Variants in NAALADL2 observed in about 807,000 individuals in gnomAD.
NAALADL2 encodes the protein N-acetylated alpha-linked acidic dipeptidase like 2.
NAALADL2 carries 76 observed loss-of-function variants against 87.2 expected under a neutral mutation model. The observed-to-expected ratio is 0.87, with a 90% CI of 0.72 to 1.05. NAALADL2 has a LOEUF of 1.05. Ranked by LOEUF, NAALADL2 falls within the 50% of genes least tolerant of loss-of-function variation. NAALADL2 has a pLI of 0.00. For missense variants in NAALADL2, 1,089 were observed against 945.8 expected (o/e 1.15, Z -1.99); for synonymous variants, 354 against 331.0 (o/e 1.07, Z -0.75).
rs1213930834 is a variant in NAALADL2 at position 175,667,225 on chromosome 3, AAGAAAGAAAGAAAGAAAAAG to A, written c.1896+39841_1896+39860del. On this transcript the variant is annotated intron_variant, in intron 11 of 13. Transcript: ENST00000454872. ...AAAGAAAGAAAGAAAGAAAGAAAGA[AAGAAAGAAAGAAAGAAAAAG>A]AAAGAAAGAAAGAAAGAAAGGAAGG... Among the ~76,000 whole-genome samples the A allele has an allele frequency of 5.6e-5, 7 of 124,598 alleles. No homozygotes were observed. In the South Asian group the frequency reaches 1.2e-3, roughly 21 times the overall value. 81.7% of individuals were successfully genotyped at this position (124,598 alleles called of 152,430 possible).
intron 9 of NAALADL2, among the ~76,000 whole-genome samples, chr3:175,496,685 G>C (rs116688768): frequency 0.032 from 4,829 of 151,980 alleles, 269 homozygotes; most frequent in African/African-American, 0.11. Flanking sequence ...CTTCGAGTAG[G>C]TGGGACCACA....
At chr3:175,011,067 T>C (rs1749716379) in intron 1 of NAALADL2, among the ~76,000 whole-genome samples, 1 of 152,152 alleles carries the variant, frequency 6.6e-6, no homozygotes, top group Non-Finnish European at 1.5e-5. Flanking sequence ...GGATTTGCAC[T>C]GTTTTATAAT....
intron 10 of NAALADL2, among the ~76,000 whole-genome samples, chr3:175,585,569 G>A (rs1249832422): frequency 1.3e-5 from 2 of 151,970 alleles, no homozygotes; most frequent in East Asian, 3.9e-4. Flanking sequence ...ATGTTTCCTT[G>A]TAGTAGTTTG....
chr3:175,665,885 C>T lies in NAALADL2; in HGVS notation c.1896+38499C>T, dbSNP rs370680109. Reference sequence around the variant, plus strand: ...GGCGGACGTTGCAGTGAGCCAAGATCGCGCCACTGCACTCCAGCCTGGCAA... The same window carrying T: ...GGCGGACGTTGCAGTGAGCCAAGATTGCGCCACTGCACTCCAGCCTGGCAA... On this transcript the variant is annotated intron_variant, in intron 11 of 13. Coordinates refer to ENST00000454872, the MANE Select transcript of NAALADL2 (RefSeq NM_207015.3). Among the ~76,000 whole-genome samples, 22 of 152,174 alleles carry T rather than the reference C, an allele frequency of 1.4e-4. No homozygotes were observed. In the East Asian group the frequency reaches 2.1e-3, roughly 15 times the overall value.
intron 3 of NAALADL2, among the ~76,000 whole-genome samples, chr3:174,782,092 CTG>C (rs1338322052): frequency 1.3e-5 from 2 of 152,010 alleles, no homozygotes; most frequent in Admixed American, 6.6e-5. Flanking sequence ...TTGTTTTTGA[CTG>C]TGGCTGCTGT....
At chr3:174,733,700 G>C (rs1416614934) in intron 2 of NAALADL2, among the ~76,000 whole-genome samples, 1 of 152,228 alleles carries the variant, frequency 6.6e-6, no homozygotes, top group African/African-American at 2.4e-5. Context: ...GTATTGCCAT[G>C]GAAGAAGGAT....
At chr3:174,925,750 T>A (rs974226384) in intron 1 of NAALADL2, among the ~76,000 whole-genome samples, 2 of 152,186 alleles carry the variant, frequency 1.3e-5, no homozygotes, top group African/African-American at 4.8e-5. Context: ...TTTATTTCAT[T>A]GAGCTGTGGT....
chr3:175,621,004 G>A (rs1298525690), intron 10 of NAALADL2, among the ~76,000 whole-genome samples: 2 of 152,140 alleles, frequency 1.3e-5, no homozygotes, highest in African/African-American at 2.4e-5. Context: ...GGCTCTGACC[G>A]GAGGTATTTT....
chr3:175,502,263 G>C (rs971782539), intron 9 of NAALADL2, among the ~76,000 whole-genome samples: 2 of 150,846 alleles, frequency 1.3e-5, no homozygotes, highest in Non-Finnish European at 2.9e-5. Context: ...GTGTCTGTGT[G>C]TGTGCATGTG....
chr3:174,934,009 T>C (rs971612622), intron 1 of NAALADL2, among the ~76,000 whole-genome samples: 16 of 152,200 alleles, frequency 1.1e-4, no homozygotes, highest in Non-Finnish European at 1.8e-4. Context: ...ATGATAAATA[T>C]ACATATTAAG....
At chr3:174,794,981 CTTT>C (rs772447340) in intron 3 of NAALADL2, among the ~76,000 whole-genome samples, 1 of 66,694 alleles carries the variant, frequency 1.5e-5, no homozygotes, top group African/African-American at 5.9e-5. Context: ...TCTAGTCCAG[CTTT>C]TTTTTTTTTT....
At chr3:174,861,388 C>A (rs941486531) in intron 1 of NAALADL2, among the ~76,000 whole-genome samples, 4 of 151,968 alleles carry the variant, frequency 2.6e-5, no homozygotes, top group African/African-American at 9.7e-5. Flanking sequence ...TCTGTGATAC[C>A]CTGTCCAAAA....
In NAALADL2 at chr3:175,389,095, A is replaced by C. The variant is rs150700187; in HGVS notation, c.1091-58134A>C. Among the ~76,000 whole-genome samples the C allele has an allele frequency of 4.5e-3, 679 of 152,262 alleles. 11 individuals carry two copies. The highest frequency in any genetic ancestry group is 0.015 in the African/African-American group (635 of 41,566). Reference sequence around the variant, plus strand: ...GACAGATTACCAATATTTCTAATTAAAGATACTGTTGACCATAAGCTAATT... The same window carrying C: ...GACAGATTACCAATATTTCTAATTACAGATACTGTTGACCATAAGCTAATT... On this transcript the variant is annotated intron_variant, in intron 5 of 13. Transcript: ENST00000454872.
At chr3:175,294,986 G>T (rs1348019931) in intron 4 of NAALADL2, among the ~76,000 whole-genome samples, 1 of 152,114 alleles carries the variant, frequency 6.6e-6, no homozygotes, top group Non-Finnish European at 1.5e-5. Flanking sequence ...GTTCCTCTAT[G>T]CTTCTGTTTT....
At chr3:175,607,497 A>G (rs1488448118) in intron 10 of NAALADL2, among the ~76,000 whole-genome samples, 1 of 152,010 alleles carries the variant, frequency 6.6e-6, no homozygotes, top group African/African-American at 2.4e-5. Context: ...TAAATAACCT[A>G]ATCTCTATTT....
chr3:175,012,802 A>G lies in NAALADL2; in HGVS notation c.44-83988A>G, dbSNP rs555390713. Among the ~76,000 whole-genome samples, 6 of 151,962 alleles carry G rather than the reference A, an allele frequency of 3.9e-5. 1 individual carries two copies. In the East Asian group the frequency reaches 1.2e-3, roughly 30 times the overall value. The stretch of plus-strand genomic sequence containing the variant: ...CAGCCCTTTACAGGAAAGTTTGCCA[A>G]GCTCTATTCTAAAGATGTTCTTCCT... On this transcript the variant is annotated intron_variant, in intron 1 of 13. Transcript: ENST00000454872.
At chr3:175,119,551 G>T (rs1010422626) in intron 2 of NAALADL2, among the ~76,000 whole-genome samples, 4 of 150,678 alleles carry the variant, frequency 2.7e-5, no homozygotes, top group African/African-American at 7.3e-5. Flanking sequence ...AGTGAGAAGA[G>T]GAGGTAAGGA....
chr3:174,862,859 C>A (rs899140985), intron 1 of NAALADL2, among the ~76,000 whole-genome samples: 4 of 152,060 alleles, frequency 2.6e-5, no homozygotes, highest in Non-Finnish European at 4.4e-5. Context: ...CCTTCTACTT[C>A]AGTTCTTCTT....
intron 1 of NAALADL2, among the ~76,000 whole-genome samples, chr3:174,996,953 G>T (rs183205707): frequency 2.4e-4 from 36 of 150,540 alleles, no homozygotes; most frequent in Admixed American, 2.3e-3. Flanking sequence ...TGCTCAAAAA[G>T]ACATTTTGCT....
Sources: gnomAD v4.1 joint callset for allele counts (sites outside exome capture counted in the v4.1 genomes callset) on GRCh38, gnomAD v4.1.1 for gene constraint, MANE v1.5 for transcripts, NCBI Gene and HGNC (gene_info 2026-07-23, HGNC 2026-07-21) for gene names.